DAB1: variants seen among roughly 807,000 people sequenced by gnomAD.
The protein encoded by DAB1 is disabled homolog 1.
A neutral mutation model predicts 64.6 loss-of-function variants in DAB1; 15 were observed. The observed-to-expected ratio is 0.23, with a 90% CI of 0.16 to 0.36. DAB1 has a LOEUF of 0.36. Among genes scored for constraint, DAB1 ranks in the 10% least tolerant of loss-of-function variants. The pLI is 1.00. For missense variants in DAB1, 596 were observed against 706.7 expected (o/e 0.84, Z 1.78); for synonymous variants, 235 against 251.9 (o/e 0.93, Z 0.64).
chr1:57,261,096 C>G (rs759626800), intron 2 of DAB1, among the ~76,000 whole-genome samples: 2 of 152,068 alleles, frequency 1.3e-5, no homozygotes, highest in Non-Finnish European at 2.9e-5. Flanking sequence ...TAGTTAGCTA[C>G]TTTATGATGA....
chr1:58,085,738 A>G (rs1460143999), intron 5 of DAB1, among the ~76,000 whole-genome samples: 2 of 151,994 alleles, frequency 1.3e-5, no homozygotes, highest in South Asian at 2.1e-4. Flanking sequence ...GAAATGAAAT[A>G]ATTTCCCCCT....
chr1:58,543,067 G>GC (rs1368004983), intron 1 of DAB1, among the ~76,000 whole-genome samples: 1 of 151,788 alleles, frequency 6.6e-6, no homozygotes, highest in African/African-American at 2.4e-5. Context: ...AGACCACAAA[G>GC]CCAGAGTGAA....
In DAB1 at chr1:57,215,944, C is replaced by T. The variant is rs180909700; in HGVS notation, c.68-70515G>A. On this transcript the variant is annotated intron_variant, in intron 2 of 14. Coordinates refer to ENST00000371236, the MANE Select transcript of DAB1 (RefSeq NM_001365792.1). ...GCATAAAGGACTCCGTGGGAGACCCCACTGGGATCTGAAGAGTAGGCCCCA... is the reference window on the plus strand; with the variant it reads ...GCATAAAGGACTCCGTGGGAGACCCTACTGGGATCTGAAGAGTAGGCCCCA... Among the ~76,000 whole-genome samples, 38 of 152,288 alleles carry T rather than the reference C, an allele frequency of 2.5e-4. No individual in the cohort carries two copies. The East Asian group carries it at 3.7e-3, about 15-fold the overall frequency.
chr1:57,921,163 A>C (rs1644802810), intron 5 of DAB1, among the ~76,000 whole-genome samples: 1 of 152,202 alleles, frequency 6.6e-6, no homozygotes, highest in Admixed American at 6.5e-5. Flanking sequence ...CTGATCTTTA[A>C]GATATATTAT....
intron 1 of DAB1, among the ~76,000 whole-genome samples, chr1:57,881,588 T>C (rs903226179): frequency 6.6e-6 from 1 of 152,214 alleles, no homozygotes; most frequent in African/African-American, 2.4e-5. Context: ...AAAATTAAAA[T>C]GTGAAAACCC....
intron 7 of DAB1, among the ~76,000 whole-genome samples, chr1:57,528,873 T>C (rs1490129222): frequency 6.6e-6 from 1 of 152,106 alleles, no homozygotes; most frequent in Admixed American, 6.6e-5. Flanking sequence ...TAAATTAAAA[T>C]GGAGACAATT....
chr1:58,070,320 T>G (rs1489724268), intron 5 of DAB1, among the ~76,000 whole-genome samples: 1 of 152,198 alleles, frequency 6.6e-6, no homozygotes, highest in African/African-American at 2.4e-5. Flanking sequence ...TTGTGGAGCA[T>G]CTACTGTGTG....
At chr1:57,945,232 A>G (rs1645166829) in intron 5 of DAB1, among the ~76,000 whole-genome samples, 1 of 152,042 alleles carries the variant, frequency 6.6e-6, no homozygotes, top group South Asian at 2.1e-4. Context: ...CTGTCTGTTT[A>G]TCATCATCAC....
At chr1:57,185,965 A>G (rs899979572) in intron 2 of DAB1, among the ~76,000 whole-genome samples, 1 of 152,074 alleles carries the variant, frequency 6.6e-6, no homozygotes, top group Non-Finnish European at 1.5e-5. Context: ...GTTGGGACTC[A>G]CAGCTCACAG....
intron 9 of DAB1, among the ~76,000 whole-genome samples, chr1:57,041,188 G>A (rs911323808): frequency 1.3e-5 from 2 of 152,140 alleles, no homozygotes; most frequent in Non-Finnish European, 2.9e-5. Context: ...CTTCTCCAGA[G>A]GAATGCAGAT....
intron 4 of DAB1, among the ~76,000 whole-genome samples, chr1:58,189,574 A>C (rs996186185): frequency 6.6e-6 from 1 of 152,144 alleles, no homozygotes; most frequent in Non-Finnish European, 1.5e-5. Flanking sequence ...CCACCCCAGC[A>C]TCCCGCTAAC....
chr1:57,310,153 G>A (rs1215057519), intron 1 of DAB1, among the ~76,000 whole-genome samples: 1 of 152,158 alleles, frequency 6.6e-6, no homozygotes, highest in Non-Finnish European at 1.5e-5. Context: ...CAATGTGTCA[G>A]GTATTGGTAA....
At chr1:58,177,487 T>C (rs1656549444) in intron 4 of DAB1, among the ~76,000 whole-genome samples, 2 of 152,214 alleles carry the variant, frequency 1.3e-5, no homozygotes, top group Admixed American at 6.5e-5. Context: ...TCAAGTGTTA[T>C]TGAGGGAAAA....
intron 2 of DAB1, among the ~76,000 whole-genome samples, chr1:57,169,900 A>G (rs902076305): frequency 5.3e-5 from 8 of 151,680 alleles, no homozygotes; most frequent in African/African-American, 1.9e-4. Flanking sequence ...TCTCTCCCCA[A>G]CTGCAAGACG....
At chr1:57,141,195 A>T (rs1658557952) in intron 3 of DAB1, among the ~76,000 whole-genome samples, 1 of 152,122 alleles carries the variant, frequency 6.6e-6, no homozygotes, top group Non-Finnish European at 1.5e-5. Flanking sequence ...TTTCCCAGTT[A>T]AAAAGGGGAA....
At chr1:58,130,418 C>T (rs544440497) in intron 5 of DAB1, among the ~76,000 whole-genome samples, 1 of 151,804 alleles carries the variant, frequency 6.6e-6, no homozygotes, top group South Asian at 2.1e-4. Context: ...TCCAACTTGC[C>T]AGTCTGTGCC....
At chr1:57,921,435 G>C (rs72920642) in intron 5 of DAB1, among the ~76,000 whole-genome samples, 2,640 of 152,200 alleles carry the variant, frequency 0.017, 82 homozygotes, top group African/African-American at 0.06. Flanking sequence ...GCATCATAAA[G>C]ATGTTGACTC....
chr1:58,469,344 T>C (rs1478185413), intron 3 of DAB1, among the ~76,000 whole-genome samples: 2 of 152,138 alleles, frequency 1.3e-5, no homozygotes, highest in Non-Finnish European at 2.9e-5. Context: ...ATGCAGTTGT[T>C]ATAGGGATTA....
intron 4 of DAB1, among the ~76,000 whole-genome samples, chr1:58,318,161 A>G (rs1662601157): frequency 6.6e-6 from 1 of 152,194 alleles, no homozygotes; most frequent in East Asian, 1.9e-4. Flanking sequence ...AGAGATGAGG[A>G]GTTGTGTCCA....
Sources: allele counts gnomAD v4.1 joint callset (sites outside exome capture counted in the v4.1 genomes callset), GRCh38; gene constraint gnomAD v4.1.1; transcripts MANE v1.5; gene names NCBI Gene and HGNC (gene_info 2026-07-23, HGNC 2026-07-21).